APP: variants seen among roughly 807,000 people sequenced by gnomAD.
APP encodes the protein amyloid-beta precursor protein.
In APP, 31 loss-of-function variants were observed where a neutral mutation model predicts 101.4. The observed-to-expected ratio is 0.31, with a 90% CI of 0.23 to 0.41. APP has a LOEUF of 0.41. Among genes scored for constraint, APP ranks in the 10% least tolerant of loss-of-function variants. APP has a pLI of 1.00. For synonymous variants in APP, 366 were observed against 364.4 expected (o/e 1.00, Z -0.05); for missense variants, 839 against 1,003.7 (o/e 0.84, Z 2.22).
intron 1 of APP, among the ~76,000 whole-genome samples, chr21:26,133,099 A>G (rs895011344): frequency 6.6e-6 from 1 of 152,048 alleles, no homozygotes; most frequent in African/African-American, 2.4e-5. Context: ...TTAGCTGGGC[A>G]TGGTGGTGCA....
intron 5 of APP, among the ~76,000 whole-genome samples, chr21:26,047,364 T>G (rs549808301): frequency 6.6e-6 from 1 of 152,364 alleles, no homozygotes; most frequent in African/African-American, 2.4e-5. Flanking sequence ...GAAGATGTTT[T>G]AAGTCAGGTA....
intron 3 of APP, among the ~76,000 whole-genome samples, chr21:26,071,355 T>G (rs960666421): frequency 6.6e-6 from 1 of 152,048 alleles, no homozygotes; most frequent in African/African-American, 2.4e-5. Context: ...ATCTTCAGTT[T>G]CCCTCTCCAG....
Position 25,891,766 on chromosome 21 carries a change from G to A in APP, c.2167C>T (p.Leu723=). ...ATVIVITLVM[L]KKKQYTSIHH... is the part of the protein sequence containing the mutation. ...ATGGATGTGTACTGTTTCTTCTTCAGCATCACCAAGGTGATGACGATCACT... is the reference window on the plus strand; with the variant it reads ...ATGGATGTGTACTGTTTCTTCTTCAACATCACCAAGGTGATGACGATCACT... Residue 723 remains leucine (L), a synonymous_variant, in exon 17 of 18, where the codon CTG becomes TTG. Transcript: ENST00000346798. 1 of 1,613,876 alleles carries A rather than the reference G, an allele frequency of 6.2e-7. No homozygotes were observed. The highest frequency in any genetic ancestry group is 8.5e-7 in the Non-Finnish European group (1 of 1,179,824).
intron 1 of APP, among the ~76,000 whole-genome samples, chr21:26,131,525 G>A (rs1476774205): frequency 6.6e-6 from 1 of 152,166 alleles, no homozygotes. Context: ...CAACAACAGT[G>A]TAATGGAGGC....
At chr21:26,001,615 C>G (rs556762214) in intron 6 of APP, among the ~76,000 whole-genome samples, 1 of 152,366 alleles carries the variant, frequency 6.6e-6, no homozygotes, top group Admixed American at 6.5e-5. Flanking sequence ...TCTTGCGCCT[C>G]AGCCTCCCAA....
At chr21:26,147,366 T>TA (rs2063175036) in intron 1 of APP, among the ~76,000 whole-genome samples, 2 of 152,172 alleles carry the variant, frequency 1.3e-5, no homozygotes, top group African/African-American at 4.8e-5. Context: ...TCTCTCAGTG[T>TA]AAAAAATATT....
intron 15 of APP, 196 bp from the exon 16 acceptor site, chr21:25,897,869 G>A: frequency 1.7e-6 from 1 of 596,030 alleles, no homozygotes; most frequent in East Asian, 2.9e-5. Context: ...AAAAAGAAAT[G>A]AAAGGGTAAG....
chr21:25,986,866 C>T (rs980572776), intron 8 of APP, among the ~76,000 whole-genome samples: 9 of 152,152 alleles, frequency 5.9e-5, no homozygotes, highest in African/African-American at 2.2e-4. Context: ...TCGTTTAATA[C>T]ATGGGAAGAA....
chr21:26,081,990 G>A (rs1419163066), intron 3 of APP, among the ~76,000 whole-genome samples: 1 of 152,120 alleles, frequency 6.6e-6, no homozygotes, highest in Non-Finnish European at 1.5e-5. Flanking sequence ...GGCCAAGATG[G>A]GTGGATCACC....
At chr21:25,982,989 T>G (rs990077794) in intron 8 of APP, among the ~76,000 whole-genome samples, 1 of 212 alleles carries the variant, frequency 4.7e-3, no homozygotes, top group African/African-American at 8.1e-3. Context: ...ACAACCTTCA[T>G]GAGACAGTAT....
At chr21:25,981,715 T>G (rs374326044) in intron 9 of APP, among the ~76,000 whole-genome samples, 25 of 145,666 alleles carry the variant, frequency 1.7e-4, no homozygotes, top group African/African-American at 6.1e-4. Flanking sequence ...AAACAGGTTT[T>G]TTTTTTTTTT....
At chr21:26,008,094 A>G (rs1358777905) in intron 6 of APP, among the ~76,000 whole-genome samples, 1 of 152,184 alleles carries the variant, frequency 6.6e-6, no homozygotes, top group Non-Finnish European at 1.5e-5. Flanking sequence ...GGAAGTAACT[A>G]GAAGATATCC....
chr21:25,890,469 G>A (rs556520172), intron 17 of APP, among the ~76,000 whole-genome samples: 14 of 152,254 alleles, frequency 9.2e-5, no homozygotes, highest in African/African-American at 2.2e-4. Flanking sequence ...GGCCAGACGC[G>A]GTGGCTCACG....
intron 13 of APP, among the ~76,000 whole-genome samples, chr21:25,914,819 C>T (rs973552044): frequency 3.3e-5 from 5 of 152,204 alleles, no homozygotes; most frequent in African/African-American, 9.6e-5. Flanking sequence ...TCCCAAAGTG[C>T]TGGGATTACA....
chr21:25,946,728 TAAAAAATTGGGCAAAGAATCTGAA>T lies in APP; in HGVS notation c.1687+7838_1687+7861del, dbSNP rs530741154. Among the ~76,000 whole-genome samples, 1,061 of 152,122 alleles carry T rather than the reference TAAAAAATTGGGCAAAGAATCTGAA, an allele frequency of 7.0e-3. 9 individuals carry two copies. Among genetic ancestry groups the T allele is most frequent in the African/African-American group, 0.024 (999 of 41,516 alleles). ...AAGAAAGTAAGGTAAACAACCCAAT[TAAAAAATTGGGCAAAGAATCTGAA>T]CGTACATCATTTATTTGAACTGAAC... is the stretch of plus-strand genomic sequence containing the variant. On this transcript the variant is annotated intron_variant, in intron 13 of 17. Transcript: ENST00000346798.
At chr21:26,036,841 C>T (rs1323402910) in intron 5 of APP, among the ~76,000 whole-genome samples, 1 of 152,140 alleles carries the variant, frequency 6.6e-6, no homozygotes, top group Non-Finnish European at 1.5e-5. Flanking sequence ...GGGCATTTAT[C>T]TAAAGGAAGA....
chr21:26,026,208 C>T (rs115598977), intron 5 of APP, among the ~76,000 whole-genome samples: 3,232 of 152,326 alleles, frequency 0.021, 105 homozygotes, highest in African/African-American at 0.074. Flanking sequence ...CATAGTGGAA[C>T]ATTCATACCA....
At chr21:26,048,683 C>A (rs1451766036) in intron 5 of APP, among the ~76,000 whole-genome samples, 4 of 151,998 alleles carry the variant, frequency 2.6e-5, no homozygotes, top group African/African-American at 9.7e-5. Context: ...GATATGACTA[C>A]AATTAATTGG....
chr21:26,054,387 T>C (rs1278179828), intron 3 of APP, among the ~76,000 whole-genome samples: 2 of 152,004 alleles, frequency 1.3e-5, no homozygotes, highest in African/African-American at 4.8e-5. Context: ...AGAATCCAAA[T>C]GGATGGATGG....
Sources: allele counts gnomAD v4.1 joint callset (sites outside exome capture counted in the v4.1 genomes callset), GRCh38; gene constraint gnomAD v4.1.1; transcripts MANE v1.5; gene names NCBI Gene and HGNC (gene_info 2026-07-23, HGNC 2026-07-21).